Variants in GNG12 observed in about 807,000 individuals in gnomAD.
The protein encoded by GNG12 is G protein subunit gamma 12, also known as guanine nucleotide-binding protein G(I)/G(S)/G(O) subunit gamma-12.
For missense variants in GNG12, 69 were observed against 83.8 expected (o/e 0.82, Z 0.69); for synonymous variants, 28 against 29.7 (o/e 0.94, Z 0.19).
rs371616090 is a variant in GNG12, at chr1:67,758,569, A to G, written c.-27+18889T>C. ...GGCTGCTATATGCACACTGGAGCAC[A>G]CATTGATAGTACAGCAGAGAGGGCT... On this transcript the variant is annotated intron_variant, in intron 2 of 3. Transcript: ENST00000370982. Among the ~76,000 whole-genome samples, 349 of 152,320 alleles carry G rather than the reference A, an allele frequency of 2.3e-3. 3 individuals are homozygous for G. The highest frequency in any genetic ancestry group is 7.8e-3 in the African/African-American group (326 of 41,564).
chr1:67,738,834 G>A (rs1277935651), intron 2 of GNG12, among the ~76,000 whole-genome samples: 3 of 152,138 alleles, frequency 2.0e-5, no homozygotes, highest in Admixed American at 2.0e-4. Flanking sequence ...AAGTATGATT[G>A]TATCACTGCA....
At chr1:67,823,016 T>C (rs1298189742) in intron 1 of GNG12, among the ~76,000 whole-genome samples, 2 of 152,222 alleles carry the variant, frequency 1.3e-5, no homozygotes, top group African/African-American at 4.8e-5. Flanking sequence ...ACTTCTTACA[T>C]TGTGCTTTTA....
intron 1 of GNG12, among the ~76,000 whole-genome samples, chr1:67,800,015 T>C (rs1001303263): frequency 1.3e-5 from 2 of 152,216 alleles, no homozygotes; most frequent in African/African-American, 4.8e-5. Flanking sequence ...ATATTCTTCT[T>C]TGAAACTAAA....
intron 2 of GNG12, among the ~76,000 whole-genome samples, chr1:67,727,553 G>A (rs1352725393): frequency 2.0e-5 from 3 of 152,202 alleles, no homozygotes; most frequent in Non-Finnish European, 1.5e-5. Context: ...ATCTCTGGAT[G>A]CATGTGCCTT....
rs568979353 is a variant in GNG12, at chr1:67,737,470, T to C, written c.-26-29758A>G. ...GCCCAGGGTCAAGAAACCGAGGGTCTATCTAGGTTCAGCTGTTAGTTGGTT... is the reference window on the plus strand; with the variant it reads ...GCCCAGGGTCAAGAAACCGAGGGTCCATCTAGGTTCAGCTGTTAGTTGGTT... On this transcript the variant is annotated intron_variant, in intron 2 of 3. Coordinates refer to ENST00000370982, the MANE Select transcript of GNG12 (RefSeq NM_018841.6). Among the ~76,000 whole-genome samples, 5 of 152,334 alleles carry C rather than the reference T, an allele frequency of 3.3e-5. No homozygotes were observed. In the East Asian group the frequency reaches 9.6e-4, roughly 29 times the overall value.
chr1:67,735,396 TCA>T (rs1646447299), intron 2 of GNG12, among the ~76,000 whole-genome samples: 6 of 152,348 alleles, frequency 3.9e-5, no homozygotes, highest in Non-Finnish European at 8.8e-5. Context: ...GTTCTGCTGA[TCA>T]CACTTTGAGT....
chr1:67,736,043 T>C (rs1646450403), intron 2 of GNG12, among the ~76,000 whole-genome samples: 1 of 152,162 alleles, frequency 6.6e-6, no homozygotes, highest in Admixed American at 6.5e-5. Flanking sequence ...ACACACTTTC[T>C]TGCGGGGGGT....
chr1:67,704,506 C>T lies in GNG12; in HGVS notation c.*945G>A, dbSNP rs1282397589. 2 of 152,542 alleles carry T rather than the reference C, an allele frequency of 1.3e-5. No individual in the cohort carries two copies. The highest frequency in any genetic ancestry group is 2.9e-5 in the Non-Finnish European group (2 of 68,054). 9.4% of individuals were successfully genotyped at this position (152,542 alleles called of 1,614,324 possible). A position where few individuals can be genotyped will look rare whatever the true frequency, so the allele number is the denominator to read the frequency against. ...AGCTGTTTTTCACACATTCCTGCTC[C>T]TCTCTCAGCTGGGCTCATGTTCACT... On this transcript the variant is annotated 3_prime_UTR_variant, in exon 4 of 4. Transcript: ENST00000370982.
At chr1:67,764,385 C>G (rs1429105423) in intron 2 of GNG12, among the ~76,000 whole-genome samples, 4 of 152,134 alleles carry the variant, frequency 2.6e-5, no homozygotes, top group Non-Finnish European at 4.4e-5. Flanking sequence ...AAATACGAAC[C>G]CTTATTCTGA....
intron 2 of GNG12, among the ~76,000 whole-genome samples, chr1:67,770,931 A>C (rs950215766): frequency 3.9e-5 from 6 of 152,126 alleles, no homozygotes; most frequent in Non-Finnish European, 5.9e-5. Flanking sequence ...TATAGACCAA[A>C]AAGGGCATTT....
chr1:67,768,965 C>A (rs879545138), intron 2 of GNG12, among the ~76,000 whole-genome samples: 1 of 152,130 alleles, frequency 6.6e-6, no homozygotes, highest in Non-Finnish European at 1.5e-5. Flanking sequence ...TCTCTAATAT[C>A]ACCTCATATG....
chr1:67,778,739 T>C (rs1646720622), intron 1 of GNG12, among the ~76,000 whole-genome samples: 1 of 152,122 alleles, frequency 6.6e-6, no homozygotes, highest in Non-Finnish European at 1.5e-5. Context: ...ATCTAAGTCG[T>C]TTGCCTCCAG....
chr1:67,714,031 T>C (rs970305001), intron 2 of GNG12, among the ~76,000 whole-genome samples: 5 of 152,248 alleles, frequency 3.3e-5, no homozygotes, highest in Non-Finnish European at 5.9e-5. Context: ...AGTTCTTATT[T>C]ATATCAAAGC....
At chr1:67,811,380 T>C (rs1422229930) in intron 1 of GNG12, among the ~76,000 whole-genome samples, 2 of 152,216 alleles carry the variant, frequency 1.3e-5, no homozygotes, top group African/African-American at 4.8e-5. Context: ...CTACAATTTT[T>C]GGTGGCACCA....
At chr1:67,736,819 T>A (rs1352020447) in intron 2 of GNG12, among the ~76,000 whole-genome samples, 2 of 152,176 alleles carry the variant, frequency 1.3e-5, no homozygotes, top group South Asian at 2.1e-4. Context: ...TCATTTCTAA[T>A]CTGCTTCAGT....
intron 2 of GNG12, among the ~76,000 whole-genome samples, chr1:67,751,925 T>C (rs1226002745): frequency 6.6e-6 from 1 of 152,220 alleles, no homozygotes; most frequent in Non-Finnish European, 1.5e-5. Flanking sequence ...GGCATTTAAG[T>C]GGCACAACAG....
At chr1:67,715,396 T>C (rs545609919) in intron 2 of GNG12, among the ~76,000 whole-genome samples, 1 of 152,334 alleles carries the variant, frequency 6.6e-6, no homozygotes, top group Admixed American at 6.5e-5. Context: ...TCAGGTTTTC[T>C]TGATGTTAGA....
At chr1:67,809,970 G>T (rs940909988) in intron 1 of GNG12, among the ~76,000 whole-genome samples, 6 of 152,262 alleles carry the variant, frequency 3.9e-5, no homozygotes, top group African/African-American at 1.4e-4. Context: ...TTTGCACATG[G>T]ATGTTTACAG....
At position 67,794,520 on chromosome 1, in the gene GNG12, G is replaced by A. The variant is rs540681896; in HGVS notation, c.-76-17013C>T. 7.2e-5 allele frequency among the ~76,000 whole-genome samples: 11 copies of A among 152,200 alleles called. No individual in the cohort carries two copies. The East Asian group carries it at 1.7e-3, about 24-fold the overall frequency. ...TTAAAAAACTTAATACAATAAAGAC[G>A]GTGGATCACAGAGATGAAAAGAGCA... On this transcript the variant is annotated intron_variant, in intron 1 of 3. Coordinates refer to ENST00000370982, the MANE Select transcript of GNG12 (RefSeq NM_018841.6).
Sources: gnomAD v4.1 joint callset for allele counts (sites outside exome capture counted in the v4.1 genomes callset) on GRCh38, gnomAD v4.1.1 for gene constraint, MANE v1.5 for transcripts, NCBI Gene and HGNC (gene_info 2026-07-23, HGNC 2026-07-21) for gene names.